The following TRAPPC9 variants were observed in gnomAD, a reference collection of about 807,000 sequenced individuals.
The protein encoded by TRAPPC9 is IKK2 binding protein.
In TRAPPC9, 83 loss-of-function variants were observed where a neutral mutation model predicts 124.0. That is an observed-to-expected ratio of 0.67 (90% CI 0.56 to 0.80). The LOEUF (loss-of-function observed/expected upper bound fraction) is 0.80, where lower values mean the gene tolerates loss of function less well. Ranked by LOEUF, TRAPPC9 falls within the 30% of genes least tolerant of loss-of-function variation. The pLI is 0.00. For synonymous variants in TRAPPC9, 638 were observed against 617.5 expected, an observed-to-expected ratio of 1.03 and a Z score of -0.49; for missense variants, 1,302 against 1,508.3, an observed-to-expected ratio of 0.86 and a Z score of 2.27.
At chr8:140,300,412 A>G in intron 11 of TRAPPC9, 57 bp downstream of exon 11, 1 of 1,610,994 alleles carries the variant, frequency 6.2e-7, no homozygotes. Context: ...AAATCTAGAA[A>G]AGCCATTGGA....
intron 11 of TRAPPC9, 171 bp from the exon 12 acceptor site, chr8:140,291,249 AAC>A: frequency 2.9e-6 from 2 of 694,792 alleles, no homozygotes; most frequent in Non-Finnish European, 2.6e-6. Context: ...CTTTCTCTGA[AAC>A]AAAGCAAGGT....
At chr8:140,388,509 C>A (rs1251601353) in intron 7 of TRAPPC9, among the ~76,000 whole-genome samples, 4 of 152,000 alleles carry the variant, frequency 2.6e-5, no homozygotes, top group South Asian at 4.1e-4. Context: ...CATGGAGAAA[C>A]CCCATCTCTA....
At chr8:140,409,592 A>G (rs1189818339) in intron 5 of TRAPPC9, among the ~76,000 whole-genome samples, 3 of 152,194 alleles carry the variant, frequency 2.0e-5, no homozygotes, top group Non-Finnish European at 4.4e-5. Context: ...AAAACCCGGT[A>G]CCTGCACACT....
At chr8:139,949,393 T>C (rs1834487674) in intron 19 of TRAPPC9, among the ~76,000 whole-genome samples, 1 of 152,208 alleles carries the variant, frequency 6.6e-6, no homozygotes, top group African/African-American at 2.4e-5. Flanking sequence ...ATTTCATTTC[T>C]AGGAGACATC....
At chr8:140,171,233 T>C (rs892122611) in intron 17 of TRAPPC9, among the ~76,000 whole-genome samples, 3 of 152,188 alleles carry the variant, frequency 2.0e-5, no homozygotes, top group East Asian at 1.9e-4. Context: ...AATATTCTTA[T>C]GCATAAACAT....
At chr8:140,237,487 C>T (rs1408561760) in intron 16 of TRAPPC9, among the ~76,000 whole-genome samples, 1 of 151,840 alleles carries the variant, frequency 6.6e-6, no homozygotes, top group East Asian at 1.9e-4. Flanking sequence ...CTTTGAAAAA[C>T]TGTAAGTCCA....
intron 21 of TRAPPC9, among the ~76,000 whole-genome samples, chr8:139,879,884 T>C (rs1829570780): frequency 6.6e-6 from 1 of 152,184 alleles, no homozygotes; most frequent in African/African-American, 2.4e-5. Flanking sequence ...GCTCAGAGCA[T>C]AAGTAACTGC....
At chr8:139,839,279 T>C (rs908793453) in intron 21 of TRAPPC9, among the ~76,000 whole-genome samples, 7 of 152,196 alleles carry the variant, frequency 4.6e-5, no homozygotes, top group African/African-American at 1.7e-4. Context: ...GTGAGCATCA[T>C]GGACATGCCA....
chr8:139,759,073 TG>T (rs376648632), intron 21 of TRAPPC9, among the ~76,000 whole-genome samples: 3,237 of 152,236 alleles, frequency 0.021, 56 homozygotes, highest in South Asian at 0.03. Context: ...AACTGGTGAG[TG>T]GGCCGGGTGC....
At chr8:140,033,673 T>TG (rs1563706809) in intron 17 of TRAPPC9, among the ~76,000 whole-genome samples, 65 of 76,752 alleles carry the variant, frequency 8.5e-4, no homozygotes, top group Non-Finnish European at 1.6e-3. Context: ...TTTTTTTTTT[T>TG]TTTTTTTTTT....
intron 9 of TRAPPC9, among the ~76,000 whole-genome samples, chr8:140,328,168 T>A (rs942226901): frequency 5.9e-5 from 9 of 151,950 alleles, no homozygotes; most frequent in African/African-American, 2.2e-4. Context: ...GACAGAAGAA[T>A]CGCTTGAAGC....
intron 21 of TRAPPC9, among the ~76,000 whole-genome samples, chr8:139,799,078 G>A (rs974321985): frequency 2.0e-5 from 3 of 152,120 alleles, no homozygotes; most frequent in Admixed American, 6.5e-5. Context: ...GGATGGTTTG[G>A]ATCTGTGTCC....
intron 9 of TRAPPC9, among the ~76,000 whole-genome samples, chr8:140,324,640 C>T (rs940245198): frequency 1.3e-5 from 2 of 152,020 alleles, no homozygotes; most frequent in African/African-American, 2.4e-5. Context: ...CATGGTAGTA[C>T]GTGCCCATGG....
intron 21 of TRAPPC9, among the ~76,000 whole-genome samples, chr8:139,769,322 A>G (rs1820796590): frequency 6.6e-6 from 1 of 152,220 alleles, no homozygotes; most frequent in Admixed American, 6.5e-5. Context: ...ATTGAGTAAA[A>G]TAAGAGTGAC....
intron 19 of TRAPPC9, chr8:139,931,445 C>T (rs1833136308): frequency 6.6e-6 from 1 of 152,226 alleles, no homozygotes; most frequent in Non-Finnish European, 1.5e-5. Flanking sequence ...TGGCACGCAC[C>T]TTAAGGCAGG....
intron 10 of TRAPPC9, among the ~76,000 whole-genome samples, chr8:140,307,570 C>T (rs1254913223): frequency 6.6e-6 from 1 of 152,194 alleles, no homozygotes; most frequent in Non-Finnish European, 1.5e-5. Context: ...ATATGGCATA[C>T]ACTGTTGGCT....
chr8:140,368,818 C>CAGG (rs1310516799), intron 8 of TRAPPC9, among the ~76,000 whole-genome samples: 2 of 152,186 alleles, frequency 1.3e-5, no homozygotes, highest in Non-Finnish European at 2.9e-5. Flanking sequence ...TTAAATGAGG[C>CAGG]AGGAGGATCG....
intron 21 of TRAPPC9, among the ~76,000 whole-genome samples, chr8:139,875,640 A>G (rs1829271690): frequency 6.6e-6 from 1 of 152,134 alleles, no homozygotes; most frequent in Non-Finnish European, 1.5e-5. Flanking sequence ...ACAAGCCGTC[A>G]TGGTCCCCAG....
chr8:140,010,735 G>A (rs1839063178), intron 18 of TRAPPC9, among the ~76,000 whole-genome samples: 1 of 152,156 alleles, frequency 6.6e-6, no homozygotes, highest in Non-Finnish European at 1.5e-5. Context: ...ATGCTCAGGA[G>A]GGTAAATTAT....
Sources: allele counts gnomAD v4.1 joint callset (sites outside exome capture counted in the v4.1 genomes callset), GRCh38; gene constraint gnomAD v4.1.1; transcripts MANE v1.5; gene names NCBI Gene and HGNC (gene_info 2026-07-23, HGNC 2026-07-21).